The following TBC1D32 variants were observed in gnomAD, a reference collection of about 807,000 sequenced individuals.
The protein encoded by TBC1D32 is protein broad-minded.
TBC1D32 carries 151 observed loss-of-function variants against 170.3 expected under a neutral mutation model. The ratio of observed to expected loss-of-function variants is 0.89; its 90% CI spans 0.78 to 1.01. The LOEUF (loss-of-function observed/expected upper bound fraction) is 1.01. Ranked by LOEUF, TBC1D32 falls within the 50% of genes least tolerant of loss-of-function variation. The probability of loss-of-function intolerance (pLI) is 0.00; values close to 1 mark genes in which losing one functional copy is unlikely to be tolerated. For synonymous variants in TBC1D32, 498 were observed against 488.0 expected (o/e 1.02, Z -0.27); for missense variants, 1,464 against 1,457.1 (o/e 1.00, Z -0.08).
intron 24 of TBC1D32, among the ~76,000 whole-genome samples, chr6:121,141,284 A>T (rs1302753607): frequency 6.6e-6 from 1 of 152,156 alleles, no homozygotes; most frequent in African/African-American, 2.4e-5. Flanking sequence ...CAAAAGGTTT[A>T]AACAGGACAC....
At chr6:121,162,634 C>T (rs1253223544) in intron 22 of TBC1D32, among the ~76,000 whole-genome samples, 1 of 152,086 alleles carries the variant, frequency 6.6e-6, no homozygotes, top group Non-Finnish European at 1.5e-5. Flanking sequence ...TGACATGATG[C>T]TATATCTAGA....
rs1223164615 is a variant in TBC1D32, at chr6:121,299,448, G to A, written c.1138C>T (p.Leu380=). 3.3e-6 allele frequency: 5 copies of A among 1,503,148 alleles called. No homozygotes were observed. Among genetic ancestry groups the A allele is most frequent in the Non-Finnish European group, 4.6e-6 (5 of 1,098,406 alleles). The allele number at this position is 1,503,148 out of a possible 1,614,324, so 93.1% of individuals were successfully genotyped here. A position where few individuals can be genotyped will look rare whatever the true frequency, so the allele number is the denominator to read the frequency against. The change falls in exon 10 of 32, where the codon CTG becomes TTG. Residue 380 remains leucine (L), a splice_region_variant and synonymous_variant. Coordinates refer to ENST00000398212, the MANE Select transcript of TBC1D32 (RefSeq NM_152730.6). ...TAAAAACAGAATTACAGACTTACCA[G>A]AGACTTATATTTCGTTTCAAGAAGT... ...LRLLETKYKS[L]VTTAIQQCVQ... is the part of the protein sequence containing the mutation.
chr6:121,320,779 T>A (rs1809595123), intron 2 of TBC1D32, among the ~76,000 whole-genome samples: 1 of 152,190 alleles, frequency 6.6e-6, no homozygotes. Context: ...GTTTACCTAA[T>A]TAAAAGTAAA....
intron 20 of TBC1D32, among the ~76,000 whole-genome samples, chr6:121,227,695 C>T (rs1342035173): frequency 6.6e-6 from 1 of 151,980 alleles, no homozygotes; most frequent in African/African-American, 2.4e-5. Flanking sequence ...TTATATACTG[C>T]TGAATTCCAA....
rs139855328 is a variant in TBC1D32 at position 121,295,208 on chromosome 6, A to T, written c.1141-548T>A. Among the ~76,000 whole-genome samples, 744 of 148,548 alleles carry T rather than the reference A, an allele frequency of 5.0e-3. 8 individuals are homozygous for T. Among genetic ancestry groups the T allele is most frequent in the South Asian group, 0.038 (176 of 4,668 alleles). Reference sequence around the variant, plus strand: ...AGTCTCCATTCTAACTCCTCCTCTCATTCTCCACAAGCAGAGACTTCAAAC... The same window carrying T: ...AGTCTCCATTCTAACTCCTCCTCTCTTTCTCCACAAGCAGAGACTTCAAAC... On this transcript the variant is annotated intron_variant, in intron 10 of 31. Coordinates refer to ENST00000398212, the MANE Select transcript of TBC1D32 (RefSeq NM_152730.6).
chr6:121,151,851 C>T (rs887425331), intron 24 of TBC1D32, among the ~76,000 whole-genome samples: 8 of 151,976 alleles, frequency 5.3e-5, no homozygotes, highest in Non-Finnish European at 8.8e-5. Flanking sequence ...TTCCATTTGC[C>T]TGGTAAATCT....
chr6:121,104,646 A>G (rs533259241), intron 30 of TBC1D32, among the ~76,000 whole-genome samples: 1 of 151,956 alleles, frequency 6.6e-6, no homozygotes, highest in East Asian at 1.9e-4. Flanking sequence ...TTTAGTAATT[A>G]TTAACCATAG....
In TBC1D32 at chr6:121,242,274, A is replaced by G. The variant is rs1797081084; in HGVS notation, c.2084T>C (p.Leu695Pro). ...GATAGCACCTGTTCTTTGAAGAAGTAGTAATCCTTTGGGGGTGGCAGCAAA... is the reference window on the plus strand; with the variant it reads ...GATAGCACCTGTTCTTTGAAGAAGTGGTAATCCTTTGGGGGTGGCAGCAAA... ...LHFAATPKGL[L>P]LLQRTGAINE... Residue 695 changes from leucine to proline, a missense_variant, in exon 18 of 32, where the codon CTA becomes CCA. Around this residue, in one of 3 missense-constraint regions of TBC1D32, gnomAD observed 1,363 missense variants for 1,338.1 expected, o/e 1.02. Coordinates refer to ENST00000398212, the MANE Select transcript of TBC1D32 (RefSeq NM_152730.6). 1 of 1,612,836 alleles carries G rather than the reference A, an allele frequency of 6.2e-7. No homozygotes were observed. The highest frequency in any genetic ancestry group is 1.3e-5 in the African/African-American group (1 of 74,894).
intron 1 of TBC1D32, among the ~76,000 whole-genome samples, chr6:121,323,471 A>G (rs1410527121): frequency 3.9e-5 from 6 of 152,186 alleles, no homozygotes; most frequent in African/African-American, 1.2e-4. Flanking sequence ...CTCAATAAAT[A>G]TTTGCTGAAT....
rs768418401 is a variant in TBC1D32 at position 121,091,021 on chromosome 6, G to T, written c.3486C>A (p.Thr1162=). 5.0e-6 allele frequency: 8 copies of T among 1,598,194 alleles called. No homozygotes were observed. Among genetic ancestry groups the T allele is most frequent in the Non-Finnish European group, 6.8e-6 (8 of 1,176,488 alleles). ...APSQICLQWI[T]QCFWNYLDWI... is the part of the protein sequence containing the mutation. ...AATCTAAGTAATTCCAAAAACACTG[G>T]GTTATCCATTGCAGGCAAATCTTTA... Residue 1162 remains threonine, a synonymous_variant, in exon 31 of 32, where the codon ACC becomes ACA. Transcript: ENST00000398212.
chr6:121,211,820 C>T (rs115629877), intron 21 of TBC1D32, among the ~76,000 whole-genome samples: 1 of 152,138 alleles, frequency 6.6e-6, no homozygotes, highest in Non-Finnish European at 1.5e-5. Context: ...CTTGACCACA[C>T]CCTGGAGCCC....
intron 1 of TBC1D32, 66 bp from the exon 2 acceptor site, chr6:121,321,860 C>T: frequency 1.5e-6 from 2 of 1,368,950 alleles, no homozygotes; most frequent in Non-Finnish European, 2.0e-6. Context: ...AAAAAATCAA[C>T]ACAGAAAGGT....
At chr6:121,099,784 C>A (rs182825015) in intron 30 of TBC1D32, among the ~76,000 whole-genome samples, 1 of 151,734 alleles carries the variant, frequency 6.6e-6, no homozygotes, top group East Asian at 1.9e-4. Context: ...TTTACATTAC[C>A]TTAAAAGAAA....
intron 17 of TBC1D32, among the ~76,000 whole-genome samples, chr6:121,246,518 G>A (rs1039453534): frequency 6.6e-6 from 1 of 151,894 alleles, no homozygotes; most frequent in Non-Finnish European, 1.5e-5. Context: ...CCCCAGCAAT[G>A]GATCCAAACC....
At chr6:121,265,419 A>G (rs893550086) in intron 15 of TBC1D32, among the ~76,000 whole-genome samples, 1 of 152,174 alleles carries the variant, frequency 6.6e-6, no homozygotes, top group Non-Finnish European at 1.5e-5. Context: ...GAGGACATAA[A>G]CAAATGGAAA....
rs1267834236 is a variant in TBC1D32 at position 121,299,461 on chromosome 6, C to T, written c.1125G>A (p.Thr375=). The T allele has an allele frequency of 4.6e-6, 7 of 1,509,204 alleles. No homozygotes were observed. The highest frequency in any genetic ancestry group is 4.5e-6 in the Non-Finnish European group (5 of 1,102,914). The allele number at this position is 1,509,204 out of a possible 1,614,324, so 93.5% of individuals were successfully genotyped here. ...ACAGACTTACCAGAGACTTATATTT[C>T]GTTTCAAGAAGTCTTAATACTGTAG... ...SRTTVLRLLE[T]KYKSLVTTAI... is the part of the protein sequence containing the mutation. The change falls in exon 10 of 32, where the codon ACG becomes ACA. Residue 375 remains threonine (T), a synonymous_variant. Coordinates refer to ENST00000398212, the MANE Select transcript of TBC1D32 (RefSeq NM_152730.6).
intron 25 of TBC1D32, among the ~76,000 whole-genome samples, chr6:121,129,088 C>A (rs537636352): frequency 1.3e-5 from 2 of 152,220 alleles, no homozygotes; most frequent in South Asian, 4.1e-4. Context: ...GTGTTCCCTG[C>A]CTCCAGAACT....
chr6:121,325,070 G>C (rs570982743), intron 1 of TBC1D32, among the ~76,000 whole-genome samples: 3 of 152,138 alleles, frequency 2.0e-5, no homozygotes, highest in East Asian at 1.9e-4. Context: ...AAATTAGCTG[G>C]GCATGGTGGC....
intron 10 of TBC1D32, among the ~76,000 whole-genome samples, chr6:121,295,998 G>A (rs762597366): frequency 1.3e-5 from 2 of 152,226 alleles, no homozygotes; most frequent in Middle Eastern, 6.8e-3. Flanking sequence ...TTCCTTCTAG[G>A]AGTCTTGGAC....
Sources: gnomAD v4.1 joint callset for allele counts (sites outside exome capture counted in the v4.1 genomes callset) on GRCh38, gnomAD v4.1.1 for gene constraint, gnomAD v4.1.1 regional missense constraint, MANE v1.5 for transcripts, NCBI Gene and HGNC (gene_info 2026-07-23, HGNC 2026-07-21) for gene names.